The following MTFR1 variants were observed in gnomAD, a reference collection of about 807,000 sequenced individuals.
MTFR1 encodes the protein mitochondrial fission regulator 1.
Under a neutral mutation model 38.8 loss-of-function variants are expected in MTFR1, and 28 were observed. The ratio of observed to expected loss-of-function variants is 0.72; its 90% CI spans 0.53 to 0.99. The LOEUF (loss-of-function observed/expected upper bound fraction) is 0.99, where lower values mean the gene tolerates loss of function less well. MTFR1 is among the 50% of genes least tolerant of loss of function. The pLI, the probability that MTFR1 is intolerant of heterozygous loss-of-function variation, is 0.00. For missense variants in MTFR1, 358 were observed against 395.5 expected (o/e 0.91, Z 0.81); for synonymous variants, 145 against 137.0 (o/e 1.06, Z -0.41).
intron 2 of MTFR1, among the ~76,000 whole-genome samples, chr8:65,670,299 A>G (rs1193485888): frequency 6.6e-6 from 1 of 152,198 alleles, no homozygotes; most frequent in Admixed American, 6.6e-5. Context: ...ATAAGCAGAA[A>G]AATCATTGCA....
At chr8:65,731,454 A>G (rs1346868044) in intron 3 of MTFR1, 3 of 152,216 alleles carry the variant, frequency 2.0e-5, no homozygotes, top group Non-Finnish European at 4.4e-5. Context: ...TATAGTTATT[A>G]AGTAAAATAG....
At chr8:65,673,889 G>A (rs538732222) in intron 2 of MTFR1, among the ~76,000 whole-genome samples, 1 of 151,938 alleles carries the variant, frequency 6.6e-6, no homozygotes, top group Non-Finnish European at 1.5e-5. Context: ...CTGGGCAACA[G>A]AGCAAGACCC....
intron 3 of MTFR1, among the ~76,000 whole-genome samples, chr8:65,747,399 T>A (rs1440803684): frequency 6.6e-6 from 1 of 152,184 alleles, no homozygotes; most frequent in East Asian, 1.9e-4. Flanking sequence ...GTTTTATTGA[T>A]CTCCTTGTTA....
chr8:65,771,629 A>G (rs1346156619), downstream of MTFR1, among the ~76,000 whole-genome samples: 1 of 152,114 alleles, frequency 6.6e-6, no homozygotes, highest in East Asian at 1.9e-4. Context: ...TAATCCCAGC[A>G]CTTTGGGAGG....
At chr8:65,669,123 C>A (rs1278007256) in intron 1 of MTFR1, among the ~76,000 whole-genome samples, 1 of 152,178 alleles carries the variant, frequency 6.6e-6, no homozygotes, top group Non-Finnish European at 1.5e-5. Flanking sequence ...CTGCTTGTTA[C>A]AATAGCCAGG....
chr8:65,714,183 GC>G (rs1004438038), downstream of MTFR1, among the ~76,000 whole-genome samples: 20 of 149,934 alleles, frequency 1.3e-4, no homozygotes, highest in Non-Finnish European at 2.5e-4. Flanking sequence ...AATTTTTAAT[GC>G]CCCCCTTTAT....
At chr8:65,747,174 TGAAAAGATGTTATTAATACACACA>T (rs1300039517) in intron 3 of MTFR1, among the ~76,000 whole-genome samples, 1 of 152,138 alleles carries the variant, frequency 6.6e-6, no homozygotes, top group Admixed American at 6.6e-5. Context: ...GAGACCTTTG[TGAAAAGATGTTATTAATACACACA>T]CACACACAAA....
At chr8:65,759,929 A>G (rs757175558) in intron 3 of MTFR1, among the ~76,000 whole-genome samples, 1 of 152,056 alleles carries the variant, frequency 6.6e-6, no homozygotes, top group Non-Finnish European at 1.5e-5. Context: ...AAGAAAGTTA[A>G]TACTATTTTT....
downstream of MTFR1, among the ~76,000 whole-genome samples, chr8:65,713,804 C>G (rs879699313): frequency 2.0e-5 from 3 of 152,094 alleles, no homozygotes; most frequent in African/African-American, 7.2e-5. Context: ...CTGCCTCTGC[C>G]TCTCCAGTAG....
intron 2 of MTFR1, among the ~76,000 whole-genome samples, chr8:65,716,433 C>A (rs1325967861): frequency 6.6e-6 from 1 of 152,084 alleles, no homozygotes; most frequent in Non-Finnish European, 1.5e-5. Flanking sequence ...CAATCAGAAG[C>A]TGATGTAGAG....
In MTFR1 at chr8:65,671,011, T is replaced by C. The variant is rs541529761; in HGVS notation, c.66+993T>C. 5.9e-5 allele frequency among the ~76,000 whole-genome samples: 9 copies of C among 152,282 alleles called. No individual in the cohort carries two copies. In the East Asian group the frequency reaches 1.3e-3, roughly 23 times the overall value. On this transcript the variant is annotated intron_variant, in intron 2 of 7. Coordinates refer to ENST00000262146, the MANE Select transcript of MTFR1 (RefSeq NM_014637.4). ...TGCCTGGCAGAATATGGGTATACTT[T>C]TTAGTGCACTTTTACTTTTTTGTTT...
At chr8:65,770,903 G>A (rs1463354498) in intron 3 of MTFR1, 1 of 174,848 alleles carries the variant, frequency 5.7e-6, no homozygotes, top group African/African-American at 2.4e-5. Flanking sequence ...ATGTGTTTCT[G>A]TGCTCAACTG....
intron 3 of MTFR1, chr8:65,689,664 G>A (rs1210839345): frequency 2.7e-6 from 3 of 1,123,486 alleles, no homozygotes; most frequent in Non-Finnish European, 1.2e-6. Context: ...GTATTTCCAA[G>A]AATTTCTTAA....
chr8:65,731,683 G>T (rs1806895226), intron 3 of MTFR1: 1 of 152,164 alleles, frequency 6.6e-6, no homozygotes, highest in Non-Finnish European at 1.5e-5. Flanking sequence ...CATATATAGA[G>T]AGATGAGTTT....
At chr8:65,698,108 G>A (rs1805496658) in intron 4 of MTFR1, among the ~76,000 whole-genome samples, 1 of 147,248 alleles carries the variant, frequency 6.8e-6, no homozygotes, top group South Asian at 2.2e-4. Flanking sequence ...TCCCTAAGAG[G>A]TTTATAGTTT....
chr8:65,646,269 A>G lies in MTFR1; in HGVS notation c.-81+1485A>G, dbSNP rs1475012259. Among the ~76,000 whole-genome samples, 6 of 152,178 alleles carry G rather than the reference A, an allele frequency of 3.9e-5. No individual in the cohort carries two copies. The East Asian group carries it at 1.2e-3, about 29-fold the overall frequency. On this transcript the variant is annotated intron_variant, in intron 1 of 7. Coordinates refer to ENST00000262146, the MANE Select transcript of MTFR1 (RefSeq NM_014637.4). ...GAGAAAGAAATTTGGAGAGGTCACA[A>G]TTTACCTGAAGTCACACTGCTGAAA...
chr8:65,776,457 A>T, the MTFR1 span, among the ~76,000 whole-genome samples: 1 of 152,150 alleles, frequency 6.6e-6, no homozygotes. Context: ...TTTCACTGTG[A>T]TTTCACTAAA....
At chr8:65,672,224 G>T (rs1804583654) in intron 2 of MTFR1, among the ~76,000 whole-genome samples, 1 of 152,208 alleles carries the variant, frequency 6.6e-6, no homozygotes, top group Non-Finnish European at 1.5e-5. Context: ...TAATCAGTTA[G>T]CTGAAAATTC....
chr8:65,711,857 T>TAAG (rs1805956276), downstream of MTFR1, among the ~76,000 whole-genome samples: 1 of 152,222 alleles, frequency 6.6e-6, no homozygotes, highest in Admixed American at 6.5e-5. Flanking sequence ...AGCCCCTTGT[T>TAAG]AAGGTCACAG....
Sources: gnomAD v4.1 joint callset for allele counts (sites outside exome capture counted in the v4.1 genomes callset) on GRCh38, gnomAD v4.1.1 for gene constraint, MANE v1.5 for transcripts, NCBI Gene and HGNC (gene_info 2026-07-23, HGNC 2026-07-21) for gene names.